RNF138: variants seen among roughly 807,000 people sequenced by gnomAD.
RNF138 encodes ring finger protein 138.
In RNF138, 12 loss-of-function variants were observed where a neutral mutation model predicts 31.0. The ratio of observed to expected loss-of-function variants is 0.39; its 90% CI spans 0.25 to 0.63. RNF138 has a LOEUF of 0.63. Ranked by LOEUF, RNF138 falls within the 20% of genes least tolerant of loss-of-function variation. The probability of loss-of-function intolerance (pLI) is 0.52; values close to 1 mark genes in which losing one functional copy is unlikely to be tolerated. For synonymous variants in RNF138, 105 were observed against 99.5 expected (o/e 1.06, Z -0.33); for missense variants, 192 against 300.1 (o/e 0.64, Z 2.66).
chr18:32,093,476 C>T (rs1035649921), intron 2 of RNF138, among the ~76,000 whole-genome samples: 6 of 152,200 alleles, frequency 3.9e-5, no homozygotes, highest in Admixed American at 6.5e-5. Flanking sequence ...TGTTTCGTTT[C>T]CAGTCCACTA....
intron 2 of RNF138, among the ~76,000 whole-genome samples, chr18:32,104,744 TTTA>T (rs973327735): frequency 9.2e-5 from 14 of 152,144 alleles, no homozygotes; most frequent in African/African-American, 3.1e-4. Flanking sequence ...ATTACAAAAC[TTTA>T]TTGAAAAGTG....
intron 2 of RNF138, among the ~76,000 whole-genome samples, chr18:32,106,035 A>G (rs895079445): frequency 6.6e-6 from 1 of 152,212 alleles, no homozygotes; most frequent in African/African-American, 2.4e-5. Flanking sequence ...TACCTATTGC[A>G]TGTTTCTCCT....
intron 7 of RNF138, among the ~76,000 whole-genome samples, chr18:32,127,661 AG>A (rs2040404190): frequency 1.3e-5 from 2 of 152,256 alleles, no homozygotes; most frequent in Admixed American, 1.3e-4. Flanking sequence ...AATTTTATAA[AG>A]TAATTCTAGA....
At chr18:32,115,407 C>G (rs925872966) in intron 4 of RNF138, among the ~76,000 whole-genome samples, 1 of 152,132 alleles carries the variant, frequency 6.6e-6, no homozygotes, top group Non-Finnish European at 1.5e-5. Context: ...ATCCTCTAAT[C>G]TGTTTTACAT....
At chr18:32,101,049 T>C (rs1056623304) in intron 2 of RNF138, among the ~76,000 whole-genome samples, 3 of 152,186 alleles carry the variant, frequency 2.0e-5, no homozygotes, top group Non-Finnish European at 4.4e-5. Context: ...GTTGCTGATA[T>C]CTAAGAGAGA....
intron 4 of RNF138, among the ~76,000 whole-genome samples, chr18:32,116,054 G>C (rs1243031412): frequency 6.6e-6 from 1 of 152,182 alleles, no homozygotes; most frequent in Non-Finnish European, 1.5e-5. Context: ...GGAAAGGTAT[G>C]AGAGGCGATG....
intron 2 of RNF138, among the ~76,000 whole-genome samples, chr18:32,101,502 A>G (rs1343976850): frequency 6.6e-6 from 1 of 152,070 alleles, no homozygotes; most frequent in Non-Finnish European, 1.5e-5. Flanking sequence ...CAGGTTTATT[A>G]ACATTTTATT....
In RNF138 at chr18:32,131,305, C is replaced by T. The variant is rs1465311597; in HGVS notation, c.*2118C>T. On this transcript the variant is annotated 3_prime_UTR_variant, in exon 8 of 8. Coordinates refer to ENST00000261593, the MANE Select transcript of RNF138 (RefSeq NM_016271.5). ...TGAAAATGATTGTTTAAAATTTCCC[C>T]TCTTTTTGTCAGTGCATTGGGAATA... 1 of 136,050 alleles carries T rather than the reference C, an allele frequency of 7.4e-6. No homozygotes were observed. The highest frequency in any genetic ancestry group is 2.7e-5 in the African/African-American group (1 of 36,686). The allele number at this position is 136,050 out of a possible 1,614,324, so 8.4% of individuals were successfully genotyped here. A position where few individuals can be genotyped will look rare whatever the true frequency, so the allele number is the denominator to read the frequency against.
intron 2 of RNF138, 110 bp from the exon 3 acceptor site, chr18:32,111,644 C>T (rs2048245): frequency 0.47 from 415,556 of 883,732 alleles, 101,325 homozygotes; most frequent in East Asian, 0.68. Context: ...ATATGAGTAG[C>T]CTAACTTATT....
chr18:32,101,585 T>C (rs2039941385), intron 2 of RNF138, among the ~76,000 whole-genome samples: 1 of 152,156 alleles, frequency 6.6e-6, no homozygotes. Context: ...TTTTAAGAAT[T>C]CAAGATCATG....
At chr18:32,125,793 A>G (rs1017140624) in intron 6 of RNF138, among the ~76,000 whole-genome samples, 3 of 152,054 alleles carry the variant, frequency 2.0e-5, no homozygotes, top group Admixed American at 6.6e-5. Context: ...TAAAAAGAAT[A>G]TGCTTCAATA....
At chr18:32,118,350 A>G (rs894728293) in intron 4 of RNF138, among the ~76,000 whole-genome samples, 3 of 151,924 alleles carry the variant, frequency 2.0e-5, no homozygotes, top group Non-Finnish European at 2.9e-5. Flanking sequence ...CCTGGCCAAC[A>G]TGGTGAAACC....
intron 4 of RNF138, among the ~76,000 whole-genome samples, chr18:32,122,130 G>A (rs528151826): frequency 1.4e-4 from 22 of 152,222 alleles, no homozygotes; most frequent in Admixed American, 1.2e-3. Flanking sequence ...GCCTTGCAAA[G>A]TGCTGGGATT....
At position 32,127,554 on chromosome 18, in the gene RNF138, A is replaced by C. The variant is rs138150102; in HGVS notation, c.669+754A>C. Among the ~76,000 whole-genome samples, 5 of 152,310 alleles carry C rather than the reference A, an allele frequency of 3.3e-5. No homozygotes were observed. The East Asian group carries it at 7.7e-4, about 23-fold the overall frequency. ...TGTTGAAATTACATCATTCTTGTTA[A>C]ATGGTTTTTAAATTTTGTAGAATTT... On this transcript the variant is annotated intron_variant, in intron 7 of 7. Transcript: ENST00000261593.
intron 4 of RNF138, among the ~76,000 whole-genome samples, chr18:32,119,806 A>G (rs1032648983): frequency 6.6e-6 from 1 of 152,176 alleles, no homozygotes; most frequent in South Asian, 2.1e-4. Flanking sequence ...GTAAAACCTT[A>G]TAGTTTTTGT....
At chr18:32,110,295 A>G (rs1294410114) in intron 2 of RNF138, among the ~76,000 whole-genome samples, 2 of 152,122 alleles carry the variant, frequency 1.3e-5, no homozygotes, top group Non-Finnish European at 1.5e-5. Flanking sequence ...GCCCTGCCTA[A>G]TGTTTTAGTT....
rs1056546163 is a variant in RNF138, at chr18:32,113,941, G to C, written c.392+81G>C. ...TTGGGAACTATATGATAAGGTATTTGGGGGGATGTGTGTGTGTGTATGTGC... is the reference window on the plus strand; with the variant it reads ...TTGGGAACTATATGATAAGGTATTTCGGGGGATGTGTGTGTGTGTATGTGC... On this transcript the variant is annotated intron_variant, in intron 4 of 7. Transcript: ENST00000261593. The C allele has an allele frequency of 1.2e-5, 9 of 725,924 alleles. No individual in the cohort carries two copies. In the African/African-American group the frequency reaches 1.3e-4, roughly 10 times the overall value. The allele number at this position is 725,924 out of a possible 1,614,324, so 45.0% of individuals were successfully genotyped here.
intron 4 of RNF138, among the ~76,000 whole-genome samples, 174 bp from the exon 5 acceptor site, chr18:32,123,344 C>T (rs755474325): frequency 5.9e-5 from 9 of 151,922 alleles, no homozygotes; most frequent in African/African-American, 2.2e-4. Context: ...AGTTCAGAAC[C>T]ATTTGAAGTT....
Position 32,131,091 on chromosome 18 carries a change from GTCAAGTTA to G in RNF138, c.*1905_*1912del, listed in dbSNP as rs2040469818. The G allele has an allele frequency of 1.3e-5, 2 of 151,602 alleles. No individual in the cohort carries two copies. Among genetic ancestry groups the G allele is most frequent in the Admixed American group, 6.6e-5 (1 of 15,100 alleles). 9.4% of individuals were successfully genotyped at this position (151,602 alleles called of 1,614,324 possible). On this transcript the variant is annotated 3_prime_UTR_variant, in exon 8 of 8. Transcript: ENST00000261593. Reference sequence around the variant, plus strand: ...TTGCAAAGTTTAATACATCCAATATGTCAAGTTAAACCATTCTGGGATTTGGGAACTTC... The same window carrying G: ...TTGCAAAGTTTAATACATCCAATATGAACCATTCTGGGATTTGGGAACTTC...
Sources: gnomAD v4.1 joint callset for allele counts (sites outside exome capture counted in the v4.1 genomes callset) on GRCh38, gnomAD v4.1.1 for gene constraint, MANE v1.5 for transcripts, NCBI Gene and HGNC (gene_info 2026-07-23, HGNC 2026-07-21) for gene names.